Variants in TENM1 observed in about 807,000 individuals in gnomAD.
TENM1 encodes the protein teneurin transmembrane protein 1.
Under a neutral mutation model 174.8 loss-of-function variants are expected in TENM1, and 35 were observed. The ratio of observed to expected loss-of-function variants is 0.20; its 90% CI spans 0.15 to 0.27. TENM1 has a LOEUF of 0.27. TENM1 is among the 10% of genes least tolerant of loss of function. The probability of loss-of-function intolerance (pLI) is 1.00; values close to 1 mark genes in which losing one functional copy is unlikely to be tolerated. For synonymous variants in TENM1, 781 were observed against 798.7 expected, an observed-to-expected ratio of 0.98 and a Z score of 0.37; for missense variants, 1,633 against 2,130.1, an observed-to-expected ratio of 0.77 and a Z score of 4.59.
At chrX:124,788,083 C>G (rs1210764829) in intron 3 of TENM1, among the ~76,000 whole-genome samples, 1 of 111,507 alleles carries the variant, frequency 9.0e-6, no homozygotes, top group Non-Finnish European at 1.9e-5. Context: ...ACTATCATGA[C>G]AGCAGCCCAG....
intron 4 of TENM1, among the ~76,000 whole-genome samples, chrX:124,709,570 G>A (rs778739923): frequency 2.4e-4 from 26 of 109,204 alleles, no homozygotes; most frequent in Non-Finnish European, 3.6e-4. Flanking sequence ...TCATTTTGAC[G>A]TTAGGGAAAC....
chrX:124,425,205 T>TA (rs2147760079), intron 23 of TENM1, among the ~76,000 whole-genome samples: 1 of 112,451 alleles, frequency 8.9e-6, no homozygotes, highest in Non-Finnish European at 1.9e-5. Flanking sequence ...GCTATCTCTT[T>TA]GACATACTGA....
At chrX:124,388,474 T>C (rs2060248489) in intron 28 of TENM1, among the ~76,000 whole-genome samples, 3 of 112,416 alleles carry the variant, frequency 2.7e-5, no homozygotes, top group African/African-American at 6.5e-5. Flanking sequence ...ACCATTTAGC[T>C]CTCATTTGGC....
the TENM1 span, among the ~76,000 whole-genome samples, chrX:125,117,567 G>A: frequency 1.8e-5 from 2 of 110,997 alleles, no homozygotes; most frequent in Admixed American, 9.6e-5. Context: ...AGGGGATTAG[G>A]GGAGGGATAG....
chrX:124,645,221 T>A (rs756196759), exon 10 of TENM1: 30 of 1,209,608 alleles, frequency 2.5e-5, no homozygotes, highest in Non-Finnish European at 2.9e-5. Flanking sequence ...CCAAAGCATG[T>A]TGGATCAATG....
intron 25 of TENM1, among the ~76,000 whole-genome samples, chrX:124,410,350 A>G (rs151059853): frequency 4.6e-4 from 52 of 112,324 alleles, no homozygotes; most frequent in African/African-American, 1.5e-3. Flanking sequence ...CCTTCCTTAC[A>G]TCTTACACAA....
At chrX:124,557,140 A>T (rs992375758) in intron 14 of TENM1, among the ~76,000 whole-genome samples, 1 of 111,874 alleles carries the variant, frequency 8.9e-6, no homozygotes, top group African/African-American at 3.2e-5. Context: ...ATGTTCTAGT[A>T]CTGTGCTGTC....
chrX:125,072,664 T>G, the TENM1 span, among the ~76,000 whole-genome samples: 7 of 110,989 alleles, frequency 6.3e-5, no homozygotes, highest in Non-Finnish European at 5.7e-5. Flanking sequence ...TGTATACATA[T>G]GTAACAAACC....
At chrX:125,039,161 C>A in the TENM1 span, among the ~76,000 whole-genome samples, 1 of 111,906 alleles carries the variant, frequency 8.9e-6, no homozygotes, top group African/African-American at 3.2e-5. Flanking sequence ...CACCCATTAT[C>A]TTGCTCTTGA....
the TENM1 span, among the ~76,000 whole-genome samples, chrX:125,174,052 A>C: frequency 9.0e-6 from 1 of 111,386 alleles, no homozygotes; most frequent in Non-Finnish European, 1.9e-5. Flanking sequence ...AGAAAGCCTC[A>C]AGGTTTTAAG....
chrX:124,825,158 CTTTTTTTTT>C lies in TENM1; in HGVS notation c.535+69129_535+69137del, dbSNP rs745471230. On this transcript the variant is annotated intron_variant, in intron 3 of 31. Coordinates refer to ENST00000422452, the Ensembl canonical transcript of TENM1. ...TCTTTTTCATACATAAGCTGACTTT[CTTTTTTTTT>C]TTTTTTTTTTTTTTTGACGGAGTCT... Among the ~76,000 whole-genome samples, 18 of 60,995 alleles carry C rather than the reference CTTTTTTTTT, an allele frequency of 3.0e-4. No individual in the cohort carries two copies. The Admixed American group carries it at 3.1e-3, about 11-fold the overall frequency. 53.0% of individuals were successfully genotyped at this position (60,995 alleles called of 115,157 possible).
chrX:124,808,240 CA>C (rs2055665918), intron 3 of TENM1, among the ~76,000 whole-genome samples: 1 of 111,552 alleles, frequency 9.0e-6, no homozygotes, highest in Non-Finnish European at 1.9e-5. Context: ...CAAAGAAGAT[CA>C]TTATATAAAG....
At chrX:125,159,616 T>C in the TENM1 span, among the ~76,000 whole-genome samples, 1 of 112,314 alleles carries the variant, frequency 8.9e-6, no homozygotes, top group Admixed American at 9.5e-5. Flanking sequence ...TACCTGAAAA[T>C]TTTGATAATT....
At chrX:124,863,372 C>A (rs1053175804) in intron 3 of TENM1, among the ~76,000 whole-genome samples, 2 of 111,121 alleles carry the variant, frequency 1.8e-5, no homozygotes, top group Non-Finnish European at 3.8e-5. Flanking sequence ...CTGCCCTGGG[C>A]CAGAGAGGAG....
the TENM1 span, among the ~76,000 whole-genome samples, chrX:125,007,310 C>A: frequency 9.3e-6 from 1 of 107,072 alleles, no homozygotes; most frequent in African/African-American, 3.5e-5. Flanking sequence ...AAATAAGGCA[C>A]GCAGACAACA....
chrX:124,609,218 A>C (rs188648141), intron 11 of TENM1, among the ~76,000 whole-genome samples: 1 of 111,788 alleles, frequency 8.9e-6, no homozygotes, highest in East Asian at 2.8e-4. Context: ...GGCAGATCAA[A>C]TAAGGATATT....
At chrX:124,672,299 G>A (rs1033816290) in intron 5 of TENM1, among the ~76,000 whole-genome samples, 1 of 111,621 alleles carries the variant, frequency 9.0e-6, no homozygotes, top group Non-Finnish European at 1.9e-5. Context: ...TATGAATAAA[G>A]CCCTATGATA....
chrX:125,161,361 T>C, the TENM1 span, among the ~76,000 whole-genome samples: 2 of 112,207 alleles, frequency 1.8e-5, no homozygotes, highest in Non-Finnish European at 3.8e-5. Flanking sequence ...ATTATTTTTA[T>C]TGTTGTATTT....
At chrX:124,585,707 A>G (rs1484702168) in intron 11 of TENM1, among the ~76,000 whole-genome samples, 2 of 111,632 alleles carry the variant, frequency 1.8e-5, no homozygotes, top group South Asian at 3.7e-4. Context: ...TGAAGGAAAT[A>G]GAGACACAAA....
Sources: gnomAD v4.1 joint callset for allele counts (sites outside exome capture counted in the v4.1 genomes callset) on GRCh38, gnomAD v4.1.1 for gene constraint, MANE v1.5 for transcripts, NCBI Gene and HGNC (gene_info 2026-07-23, HGNC 2026-07-21) for gene names.